AFF3: variants seen among roughly 807,000 people sequenced by gnomAD.
The protein encoded by AFF3 is ALF transcription elongation factor 3, also known as AF4/FMR2 family member 3.
Under a neutral mutation model 129.7 loss-of-function variants are expected in AFF3, and 32 were observed. That is an observed-to-expected ratio of 0.25 (90% confidence interval 0.19 to 0.33). The LOEUF is 0.33. AFF3 is among the 10% of genes least tolerant of loss of function. AFF3 has a pLI of 1.00. For synonymous variants in AFF3, 644 were observed against 635.4 expected, an observed-to-expected ratio of 1.01 and a Z score of -0.20; for missense variants, 1,373 against 1,592.0, an observed-to-expected ratio of 0.86 and a Z score of 2.34.
intron 4 of AFF3, among the ~76,000 whole-genome samples, chr2:100,077,306 G>A (rs1314364015): frequency 6.6e-5 from 10 of 152,208 alleles, no homozygotes; most frequent in Admixed American, 3.9e-4. Context: ...CAAGGTAGTC[G>A]CTAAGGCCCT....
intron 8 of AFF3, among the ~76,000 whole-genome samples, chr2:99,802,825 T>G (rs1351085069): frequency 6.6e-6 from 1 of 151,952 alleles, no homozygotes; most frequent in African/African-American, 2.4e-5. Flanking sequence ...AAGACTTTAC[T>G]GAATTCATTT....
chr2:99,553,582 C>T (rs930423636), intron 24 of AFF3, among the ~76,000 whole-genome samples: 13 of 151,918 alleles, frequency 8.6e-5, no homozygotes, highest in East Asian at 7.7e-4. Flanking sequence ...TATCTGTTGA[C>T]CCCCAAATTT....
chr2:100,132,593 T>G (rs1692467482), intron 1 of AFF3, among the ~76,000 whole-genome samples: 1 of 152,144 alleles, frequency 6.6e-6, no homozygotes, highest in African/African-American at 2.4e-5. Flanking sequence ...ATCCTCAGCT[T>G]TAGTTGAAAA....
At chr2:99,793,202 T>C (rs1453115577) in intron 8 of AFF3, among the ~76,000 whole-genome samples, 1 of 152,174 alleles carries the variant, frequency 6.6e-6, no homozygotes, top group Admixed American at 6.5e-5. Flanking sequence ...AAAAGAACCA[T>C]GGCACTTCCT....
chr2:100,035,335 T>C (rs1684813799), intron 4 of AFF3, among the ~76,000 whole-genome samples: 1 of 152,212 alleles, frequency 6.6e-6, no homozygotes, highest in South Asian at 2.1e-4. Context: ...ACAACACTTG[T>C]CCCTATCCAA....
chr2:99,576,642 T>C (rs1053256789), intron 18 of AFF3, among the ~76,000 whole-genome samples: 1 of 152,280 alleles, frequency 6.6e-6, no homozygotes, highest in South Asian at 2.1e-4. Flanking sequence ...ATATGACATA[T>C]GTGTTTGTAT....
At chr2:100,141,665 ATG>A (rs564033477) in intron 1 of AFF3, among the ~76,000 whole-genome samples, 67 of 152,212 alleles carry the variant, frequency 4.4e-4, no homozygotes, top group Non-Finnish European at 4.6e-4. Flanking sequence ...ATTTTTATAT[ATG>A]TGAGACTCGA....
At chr2:99,592,300 A>C (rs1022284573) in intron 15 of AFF3, among the ~76,000 whole-genome samples, 3 of 152,072 alleles carry the variant, frequency 2.0e-5, no homozygotes, top group African/African-American at 7.2e-5. Context: ...GTATTCAAAT[A>C]TCCCTCCTCT....
intron 7 of AFF3, among the ~76,000 whole-genome samples, chr2:99,907,418 C>G (rs1479727335): frequency 6.6e-6 from 1 of 152,120 alleles, no homozygotes; most frequent in Non-Finnish European, 1.5e-5. Flanking sequence ...TCCTTAGACA[C>G]CAGTTTAGAA....
At chr2:99,647,908 A>G (rs1684836923) in intron 13 of AFF3, among the ~76,000 whole-genome samples, 1 of 152,188 alleles carries the variant, frequency 6.6e-6, no homozygotes, top group South Asian at 2.1e-4. Flanking sequence ...AATATCAGAA[A>G]AAAAGGAAAT....
chr2:99,966,512 A>C (rs1677770723), intron 7 of AFF3, among the ~76,000 whole-genome samples: 1 of 150,834 alleles, frequency 6.6e-6, no homozygotes, highest in Non-Finnish European at 1.5e-5. Flanking sequence ...AAAACGGTGA[A>C]ACCCCGTCTC....
chr2:99,925,641 C>T (rs189226081), intron 7 of AFF3, among the ~76,000 whole-genome samples: 24 of 152,302 alleles, frequency 1.6e-4, no homozygotes, highest in Admixed American at 1.0e-3. Flanking sequence ...TCTGCCACCA[C>T]GGAAATATGT....
intron 11 of AFF3, among the ~76,000 whole-genome samples, chr2:99,687,364 G>T (rs547277095): frequency 1.4e-4 from 21 of 152,370 alleles, no homozygotes; most frequent in African/African-American, 4.3e-4. Flanking sequence ...AAGACAAGAA[G>T]AGAAATGTCC....
chr2:99,912,848 G>A (rs575531436), intron 7 of AFF3, among the ~76,000 whole-genome samples: 4 of 152,082 alleles, frequency 2.6e-5, no homozygotes, highest in Admixed American at 2.0e-4. Flanking sequence ...TTTGTTACAC[G>A]GCAATAGCTA....
At chr2:99,733,206 T>A (rs1221321704) in intron 10 of AFF3, among the ~76,000 whole-genome samples, 2 of 151,856 alleles carry the variant, frequency 1.3e-5, no homozygotes. Context: ...AGTGAAACCC[T>A]GTTTCTACTA....
At chr2:100,054,826 C>T (rs752823269) in intron 4 of AFF3, among the ~76,000 whole-genome samples, 53 of 152,190 alleles carry the variant, frequency 3.5e-4, no homozygotes, top group Admixed American at 5.9e-4. Flanking sequence ...GACTGCACTG[C>T]TCCCTGTGGC....
At chr2:99,560,494 A>G in intron 20 of AFF3, 58 bp from the exon 21 acceptor site, 1 of 1,510,258 alleles carries the variant, frequency 6.6e-7, no homozygotes, top group Non-Finnish European at 9.2e-7. Flanking sequence ...AAGAAATAGT[A>G]AAACTAGCTT....
chr2:99,566,234 C>T (rs1675950322), intron 19 of AFF3, among the ~76,000 whole-genome samples: 1 of 151,682 alleles, frequency 6.6e-6, no homozygotes, highest in Non-Finnish European at 1.5e-5. Context: ...GCATAGGCCA[C>T]CACACCTGGC....
chr2:99,947,653 T>G (rs55909793), intron 7 of AFF3, among the ~76,000 whole-genome samples: 4 of 123,192 alleles, frequency 3.2e-5, no homozygotes, highest in Admixed American at 2.5e-4. Flanking sequence ...GATAGATAGA[T>G]AGACAGACAG....
Sources: allele counts gnomAD v4.1 joint callset (sites outside exome capture counted in the v4.1 genomes callset), GRCh38; gene constraint gnomAD v4.1.1; transcripts MANE v1.5; gene names NCBI Gene and HGNC (gene_info 2026-07-23, HGNC 2026-07-21).